Variants in UBE2D2 observed in about 807,000 individuals in gnomAD.
UBE2D2 encodes ubiquitin-conjugating enzyme E2 D2.
A neutral mutation model predicts 24.2 loss-of-function variants in UBE2D2; 2 were observed. The ratio of observed to expected loss-of-function variants is 0.08; its 90% confidence interval spans 0.03 to 0.26. UBE2D2 has a LOEUF of 0.26. Ranked by LOEUF, UBE2D2 falls within the 10% of genes least tolerant of loss-of-function variation. The probability of loss-of-function intolerance (pLI) is 1.00; values close to 1 mark genes in which losing one functional copy is unlikely to be tolerated. For missense variants in UBE2D2, 44 were observed against 177.6 expected, an observed-to-expected ratio of 0.25 and a Z score of 4.28; for synonymous variants, 58 against 56.5, an observed-to-expected ratio of 1.03 and a Z score of -0.12.
chr5:139,586,764 CAA>C (rs202003854), intron 1 of UBE2D2, among the ~76,000 whole-genome samples: 1 of 138,886 alleles, frequency 7.2e-6, no homozygotes, highest in African/African-American at 2.7e-5. Flanking sequence ...GACTCCGTCT[CAA>C]AAAAAAAAAG....
chr5:139,592,138 G>A (rs1331101925), intron 1 of UBE2D2, among the ~76,000 whole-genome samples: 1 of 152,082 alleles, frequency 6.6e-6, no homozygotes, highest in South Asian at 2.1e-4. Flanking sequence ...GGAAAGACAG[G>A]TTGCAGTGAA....
chr5:139,574,335 A>G (rs1753421833), intron 1 of UBE2D2, among the ~76,000 whole-genome samples: 2 of 151,834 alleles, frequency 1.3e-5, no homozygotes, highest in African/African-American at 4.8e-5. Context: ...CTTTATTACT[A>G]TAATACATAT....
chr5:139,583,087 G>A (rs1048830171), intron 1 of UBE2D2, among the ~76,000 whole-genome samples: 4 of 150,978 alleles, frequency 2.6e-5, no homozygotes, highest in Admixed American at 6.6e-5. Flanking sequence ...TGATTCTCCC[G>A]CTTCAGCCTC....
intron 1 of UBE2D2, among the ~76,000 whole-genome samples, chr5:139,545,342 A>T (rs951001404): frequency 6.6e-6 from 1 of 150,592 alleles, no homozygotes; most frequent in Non-Finnish European, 1.5e-5. Context: ...AGCTGAGACT[A>T]TAAGCATATG....
chr5:139,606,201 G>A (rs993616905), intron 2 of UBE2D2, among the ~76,000 whole-genome samples: 1 of 151,894 alleles, frequency 6.6e-6, no homozygotes, highest in African/African-American at 2.4e-5. Flanking sequence ...TCACTCTGTT[G>A]CCCGGGCTGG....
chr5:139,595,871 GTTTTTTTTTTGTTTTTTGTTGTTTTT>G (rs1753947228), intron 1 of UBE2D2, among the ~76,000 whole-genome samples: 1 of 134,398 alleles, frequency 7.4e-6, no homozygotes, highest in African/African-American at 2.7e-5. Context: ...TTTCTTGTGG[GTTTTTTTTTTGTTTTTTGTTGTTTTT>G]TTTTTTTTTT....
intron 1 of UBE2D2, among the ~76,000 whole-genome samples, chr5:139,582,105 G>A (rs184135710): frequency 1.3e-5 from 2 of 151,318 alleles, no homozygotes; most frequent in East Asian, 3.9e-4. Context: ...ATCCTCCCAA[G>A]GACTGTAGGC....
At chr5:139,563,613 A>G (rs1356752609) in intron 1 of UBE2D2, among the ~76,000 whole-genome samples, 2 of 152,208 alleles carry the variant, frequency 1.3e-5, no homozygotes, top group Non-Finnish European at 2.9e-5. Flanking sequence ...GCAAGTGGGT[A>G]TAATGTGTAA....
intron 1 of UBE2D2, among the ~76,000 whole-genome samples, chr5:139,539,897 AAT>A (rs1437468743): frequency 6.6e-6 from 1 of 151,310 alleles, no homozygotes; most frequent in East Asian, 2.0e-4. Flanking sequence ...GTGCCCGGAC[AAT>A]ATCCTTGTTT....
chr5:139,573,011 T>C (rs1753386451), intron 1 of UBE2D2, among the ~76,000 whole-genome samples: 1 of 151,964 alleles, frequency 6.6e-6, no homozygotes, highest in Non-Finnish European at 1.5e-5. Flanking sequence ...TTAAGAATTA[T>C]CAAGATGAGG....
chr5:139,563,966 C>T (rs764070524), intron 1 of UBE2D2, among the ~76,000 whole-genome samples: 1 of 152,030 alleles, frequency 6.6e-6, no homozygotes, highest in Non-Finnish European at 1.5e-5. Flanking sequence ...TTAATCTCTA[C>T]ATTGAATTAT....
intron 1 of UBE2D2, among the ~76,000 whole-genome samples, chr5:139,541,479 A>G (rs948203055): frequency 6.6e-6 from 1 of 151,020 alleles, no homozygotes; most frequent in Non-Finnish European, 1.5e-5. Flanking sequence ...GGGCGCCTGT[A>G]ATCCCAGCTA....
chr5:139,562,492 C>A, intron 1 of UBE2D2: 2 of 1,230,916 alleles, frequency 1.6e-6, no homozygotes, highest in Non-Finnish European at 2.1e-6. Flanking sequence ...CTAACACTTC[C>A]GTTTTGCAGG....
chr5:139,548,193 A>AAAATAATAAATAAAT (rs1752863877), intron 1 of UBE2D2, among the ~76,000 whole-genome samples: 6 of 47,100 alleles, frequency 1.3e-4, no homozygotes, highest in Admixed American at 7.1e-4. Flanking sequence ...ATAAAAAAAA[A>AAAATAATAAATAAAT]AAATAAATAA....
At chr5:139,620,603 T>A (rs1235307979) in intron 5 of UBE2D2, among the ~76,000 whole-genome samples, 2 of 152,092 alleles carry the variant, frequency 1.3e-5, no homozygotes, top group East Asian at 1.9e-4. Flanking sequence ...CCTGATTTTT[T>A]AAAAAAACTT....
At chr5:139,556,143 G>GT (rs1752978869) in intron 1 of UBE2D2, among the ~76,000 whole-genome samples, 1 of 152,030 alleles carries the variant, frequency 6.6e-6, no homozygotes, top group Admixed American at 6.6e-5. Context: ...GGCTGAGGAA[G>GT]GAAAATCACT....
intron 1 of UBE2D2, among the ~76,000 whole-genome samples, chr5:139,597,448 T>G (rs182012048): frequency 2.0e-5 from 3 of 152,344 alleles, no homozygotes. Context: ...GGCTTAGGGT[T>G]TTAAAATTAT....
chr5:139,625,275 TG>T (rs776584857), intron 6 of UBE2D2, among the ~76,000 whole-genome samples: 1 of 143,984 alleles, frequency 6.9e-6, no homozygotes. Context: ...CTGGCTAATT[TG>T]TTTTTTTTTT....
intron 1 of UBE2D2, among the ~76,000 whole-genome samples, chr5:139,579,618 C>G (rs996577111): frequency 6.6e-6 from 1 of 152,044 alleles, no homozygotes; most frequent in Non-Finnish European, 1.5e-5. Context: ...AAAAGTCTTA[C>G]AATCAGTGAC....
Sources: gnomAD v4.1 joint callset for allele counts (sites outside exome capture counted in the v4.1 genomes callset) on GRCh38, gnomAD v4.1.1 for gene constraint, MANE v1.5 for transcripts, NCBI Gene and HGNC (gene_info 2026-07-23, HGNC 2026-07-21) for gene names.